Variants in TLE3 observed in about 807,000 individuals in gnomAD.
The protein encoded by TLE3 is transducin-like enhancer protein 3.
TLE3 carries 14 observed loss-of-function variants against 93.0 expected under a neutral mutation model. The ratio of observed to expected loss-of-function variants is 0.15; its 90% confidence interval spans 0.10 to 0.24. The LOEUF is 0.24. Among genes scored for constraint, TLE3 ranks in the 10% least tolerant of loss-of-function variants. The pLI, the probability that TLE3 is intolerant of heterozygous loss-of-function variation, is 1.00. For synonymous variants in TLE3, 451 were observed against 425.0 expected, an observed-to-expected ratio of 1.06 and a Z score of -0.75; for missense variants, 693 against 1,046.6, an observed-to-expected ratio of 0.66 and a Z score of 4.66.
intron 4 of TLE3, among the ~76,000 whole-genome samples, chr15:70,088,375 C>T (rs1192420163): frequency 1.3e-5 from 2 of 152,138 alleles, no homozygotes; most frequent in Admixed American, 6.5e-5. Flanking sequence ...TAAGTTTCTC[C>T]TTAACCCCAA....
At chr15:70,052,100 C>T (rs537245737) in intron 18 of TLE3, among the ~76,000 whole-genome samples, 5 of 152,372 alleles carry the variant, frequency 3.3e-5, no homozygotes, top group African/African-American at 1.2e-4. Flanking sequence ...TGCACTGCTA[C>T]TGTCCTGTTC....
rs1329533502 is a variant in TLE3 at position 70,096,962 on chromosome 15, C to A, written c.-164G>T. 1 of 629,598 alleles carries A rather than the reference C, an allele frequency of 1.6e-6. No homozygotes were observed. Among genetic ancestry groups the A allele is most frequent in the South Asian group, 1.6e-5 (1 of 63,944 alleles). The allele number at this position is 629,598 out of a possible 1,614,324, so 39.0% of individuals were successfully genotyped here. A position where few individuals can be genotyped will look rare whatever the true frequency, so the allele number is the denominator to read the frequency against. On this transcript the variant is annotated 5_prime_UTR_variant, in exon 1 of 20. Transcript: ENST00000451782. ...CTCGCAGCGAAATCCCAGAGTCGGGCGCCCGCCCCAAGTGGAGACAAAGAG... is the reference window on the plus strand; with the variant it reads ...CTCGCAGCGAAATCCCAGAGTCGGGAGCCCGCCCCAAGTGGAGACAAAGAG...
chr15:70,088,973 C>T (rs1050059264), intron 4 of TLE3, among the ~76,000 whole-genome samples: 19 of 151,940 alleles, frequency 1.3e-4, no homozygotes, highest in African/African-American at 4.3e-4. Flanking sequence ...GGTGGGGAGC[C>T]GCGACTGCAA....
chr15:70,094,752 G>T lies in TLE3; in HGVS notation c.190-176C>A, dbSNP rs556235156. On this transcript the variant is annotated intron_variant, in intron 3 of 19. Transcript: ENST00000451782. ...GAGCGGTTTAAGAGCTGACAAGGGC[G>T]AGCGTTCCTCTCATCTCAACAGAAC... 2.5e-5 allele frequency: 15 copies of T among 592,952 alleles called. No individual in the cohort carries two copies. In the African/African-American group the frequency reaches 2.6e-4, roughly 10 times the overall value. 36.7% of individuals were successfully genotyped at this position (592,952 alleles called of 1,614,324 possible). A position where few individuals can be genotyped will look rare whatever the true frequency, so the allele number is the denominator to read the frequency against.
chr15:70,051,932 G>A (rs773680235), intron 18 of TLE3, among the ~76,000 whole-genome samples: 4 of 152,222 alleles, frequency 2.6e-5, no homozygotes, highest in East Asian at 1.9e-4. Context: ...TGAAAGCCAT[G>A]AGCACCATGC....
intron 6 of TLE3, among the ~76,000 whole-genome samples, chr15:70,073,615 G>A (rs922838169): frequency 6.6e-6 from 1 of 152,248 alleles, no homozygotes; most frequent in Non-Finnish European, 1.5e-5. Context: ...AAGTGCCCCT[G>A]TATCTGTACC....
At chr15:70,074,901 T>A (rs901594164) in intron 5 of TLE3, among the ~76,000 whole-genome samples, 6 of 152,270 alleles carry the variant, frequency 3.9e-5, no homozygotes, top group African/African-American at 1.4e-4. Context: ...AATTTTTCCA[T>A]GCAATTTGCG....
At chr15:70,053,442 A>T in intron 16 of TLE3, 68 bp from the exon 17 acceptor site, 1 of 1,529,350 alleles carries the variant, frequency 6.5e-7, no homozygotes, top group East Asian at 2.4e-5. Context: ...CGGCCATCCC[A>T]GGGGCAGTCT....
chr15:70,094,739 A>G, intron 3 of TLE3, 163 bp from the exon 4 acceptor site: 1 of 608,310 alleles, frequency 1.6e-6, no homozygotes, highest in Non-Finnish European at 2.9e-6. Context: ...GCGGTTTAAG[A>G]GCTGACAAGG....
chr15:70,061,879 G>A (rs2056497153), intron 8 of TLE3, among the ~76,000 whole-genome samples: 2 of 150,020 alleles, frequency 1.3e-5, no homozygotes. Context: ...ATGCAACACA[G>A]GAGGTCATAT....
chr15:70,060,338 T>C (rs2056385706), intron 9 of TLE3, among the ~76,000 whole-genome samples, 192 bp downstream of exon 9: 1 of 152,114 alleles, frequency 6.6e-6, no homozygotes, highest in Non-Finnish European at 1.5e-5. Context: ...GCTCGCATGC[T>C]CATAGCGTGT....
At chr15:70,052,225 T>C (rs894400860) in intron 18 of TLE3, 149 bp downstream of exon 18, 2 of 920,832 alleles carry the variant, frequency 2.2e-6, no homozygotes, top group Non-Finnish European at 3.2e-6. Context: ...CTTAAGGGTG[T>C]TGAAGGGGCA....
At chr15:70,068,633 T>C (rs2056963360) in intron 6 of TLE3, among the ~76,000 whole-genome samples, 1 of 152,216 alleles carries the variant, frequency 6.6e-6, no homozygotes, top group Non-Finnish European at 1.5e-5. Context: ...AGAAGTAGCT[T>C]TGCTGCCTGC....
At chr15:70,094,699 T>G in intron 3 of TLE3, 123 bp from the exon 4 acceptor site, 2 of 751,628 alleles carry the variant, frequency 2.7e-6, no homozygotes, top group Non-Finnish European at 4.3e-6. Context: ...CTAAAGAAGT[T>G]TAAATCAAAC....
rs747754660 is a variant in TLE3, at chr15:70,096,808, G to A, written c.-10C>T. On this transcript the variant is annotated 5_prime_UTR_variant, in exon 1 of 20. Transcript: ENST00000451782. Reference sequence around the variant, plus strand: ...TGCCCTGCGGATACATGGCAGGGAGGGGTCGTGATTCCGAGAGCGTGGAAG... The same window carrying A: ...TGCCCTGCGGATACATGGCAGGGAGAGGTCGTGATTCCGAGAGCGTGGAAG... 39 of 1,612,182 alleles carry A rather than the reference G, an allele frequency of 2.4e-5. No individual in the cohort carries two copies. The highest frequency in any genetic ancestry group is 3.2e-5 in the Non-Finnish European group (38 of 1,179,446).
At chr15:70,064,023 G>T (rs150487578) in intron 8 of TLE3, among the ~76,000 whole-genome samples, 1 of 152,148 alleles carries the variant, frequency 6.6e-6, no homozygotes, top group African/African-American at 2.4e-5. Flanking sequence ...AAAGCCCCTC[G>T]CAATGGAAGA....
rs1335983443 is a variant in TLE3, at chr15:70,063,515, G to A, written c.594+939C>T. On this transcript the variant is annotated intron_variant, in intron 8 of 19. Transcript: ENST00000451782. ...GGGGAGGGCCAGGAAGGGAAGGAGGGCTGGATTGGAGAGAGCTGCGCAAGG... is the reference window on the plus strand; with the variant it reads ...GGGGAGGGCCAGGAAGGGAAGGAGGACTGGATTGGAGAGAGCTGCGCAAGG... Among the ~76,000 whole-genome samples, 3 of 152,300 alleles carry A rather than the reference G, an allele frequency of 2.0e-5. No homozygotes were observed. In the South Asian group the frequency reaches 6.2e-4, roughly 32 times the overall value.
At chr15:70,088,071 G>C (rs987906316) in intron 4 of TLE3, among the ~76,000 whole-genome samples, 1 of 152,082 alleles carries the variant, frequency 6.6e-6, no homozygotes, top group African/African-American at 2.4e-5. Flanking sequence ...TCTCCAACAC[G>C]GTGACCCCTC....
chr15:70,062,142 C>T (rs1364971485), intron 8 of TLE3, among the ~76,000 whole-genome samples: 2 of 152,202 alleles, frequency 1.3e-5, no homozygotes, highest in Non-Finnish European at 2.9e-5. Flanking sequence ...ATTAAAATGG[C>T]AGAGTTATCA....
Sources: gnomAD v4.1 joint callset for allele counts (sites outside exome capture counted in the v4.1 genomes callset) on GRCh38, gnomAD v4.1.1 for gene constraint, MANE v1.5 for transcripts, NCBI Gene and HGNC (gene_info 2026-07-23, HGNC 2026-07-21) for gene names.